Variants in NEXN observed in about 807,000 individuals in gnomAD.
NEXN encodes the protein nexilin.
In NEXN, 65 loss-of-function variants were observed where a neutral mutation model predicts 92.6. That is an observed-to-expected ratio of 0.70 (90% CI 0.57 to 0.86). NEXN has a LOEUF of 0.86. NEXN is among the 40% of genes least tolerant of loss of function. The pLI is 0.00. For synonymous variants in NEXN, 254 were observed against 242.5 expected, an observed-to-expected ratio of 1.05 and a Z score of -0.44; for missense variants, 778 against 771.1, an observed-to-expected ratio of 1.01 and a Z score of -0.11.
At chr1:77,891,738 GA>G (rs1647109540) in intron 1 of NEXN, among the ~76,000 whole-genome samples, 1 of 91,006 alleles carries the variant, frequency 1.1e-5, no homozygotes, top group Admixed American at 1.5e-4. Flanking sequence ...ACCAAGTGTG[GA>G]AAAAAAGTAA....
chr1:77,907,486 T>G (rs912170858), intron 1 of NEXN, among the ~76,000 whole-genome samples: 1 of 152,198 alleles, frequency 6.6e-6, no homozygotes, highest in African/African-American at 2.4e-5. Flanking sequence ...TGCTACAACT[T>G]TTTATCCTCA....
At chr1:77,896,124 T>C (rs1420986429) in intron 1 of NEXN, among the ~76,000 whole-genome samples, 2 of 151,770 alleles carry the variant, frequency 1.3e-5, no homozygotes, top group African/African-American at 4.8e-5. Flanking sequence ...TGAGCAGAAA[T>C]GACACCACTG....
At chr1:77,891,679 T>TGGCAGTCAAAAAGTC (rs996090177) in intron 1 of NEXN, among the ~76,000 whole-genome samples, 2 of 147,280 alleles carry the variant, frequency 1.4e-5, no homozygotes, top group Non-Finnish European at 3.0e-5. Flanking sequence ...ACTAAGGCTA[T>TGGCAGTCAAAAAGTC]GGCAGTCAAA....
At chr1:77,900,806 T>C (rs557746020) in intron 1 of NEXN, among the ~76,000 whole-genome samples, 1 of 152,322 alleles carries the variant, frequency 6.6e-6, no homozygotes, top group East Asian at 1.9e-4. Flanking sequence ...GTATTCTTGA[T>C]AACGATTCAA....
chr1:77,907,557 GT>G (rs1411389707), intron 1 of NEXN, among the ~76,000 whole-genome samples: 1 of 152,198 alleles, frequency 6.6e-6, no homozygotes, highest in Non-Finnish European at 1.5e-5. Context: ...AACCAAAAAA[GT>G]TAAGGCTAGT....
chr1:77,919,833 C>A (rs1649281050), intron 5 of NEXN, among the ~76,000 whole-genome samples: 1 of 151,894 alleles, frequency 6.6e-6, no homozygotes, highest in African/African-American at 2.4e-5. Context: ...TTCCTGACCT[C>A]AGGTGATCTA....
At chr1:77,923,931 C>A (rs1649644125) in intron 5 of NEXN, among the ~76,000 whole-genome samples, 1 of 152,108 alleles carries the variant, frequency 6.6e-6, no homozygotes. Context: ...CCGCCTCAGC[C>A]TCTCAAAGTG....
intron 1 of NEXN, among the ~76,000 whole-genome samples, chr1:77,894,424 T>C (rs1306984920): frequency 1.3e-5 from 2 of 152,166 alleles, no homozygotes; most frequent in African/African-American, 2.4e-5. Flanking sequence ...GGACATTTTA[T>C]AGTATCATTT....
rs375228962 is a variant in NEXN, at chr1:77,905,093, C to T, written c.-52-10962C>T. ...CCTTGCCAACATGGTGAAACCCTGT[C>T]TCTACTAAAAATACAAAAATTAGCT... is the stretch of plus-strand genomic sequence containing the variant. On this transcript the variant is annotated intron_variant, in intron 1 of 12. Transcript: ENST00000334785. 5.3e-5 allele frequency among the ~76,000 whole-genome samples: 8 copies of T among 151,794 alleles called. No individual in the cohort carries two copies. The East Asian group carries it at 9.8e-4, about 19-fold the overall frequency.
chr1:77,920,539 T>C (rs1489160662), intron 5 of NEXN, among the ~76,000 whole-genome samples: 1 of 150,390 alleles, frequency 6.6e-6, no homozygotes, highest in Non-Finnish European at 1.5e-5. Flanking sequence ...GAGGACTGCT[T>C]GAGCCCAGGA....
chr1:77,895,204 T>C (rs919916013), intron 1 of NEXN, among the ~76,000 whole-genome samples: 18 of 151,368 alleles, frequency 1.2e-4, no homozygotes, highest in Admixed American at 2.6e-4. Context: ...GCCACCATGA[T>C]TGGCTAATTT....
At chr1:77,901,503 C>T (rs139877668) in intron 1 of NEXN, among the ~76,000 whole-genome samples, 2 of 152,146 alleles carry the variant, frequency 1.3e-5, no homozygotes, top group Non-Finnish European at 2.9e-5. Context: ...CTTAGAACCA[C>T]ATGTTCAACC....
At chr1:77,912,084 A>C (rs1023031570) in intron 1 of NEXN, among the ~76,000 whole-genome samples, 4 of 152,136 alleles carry the variant, frequency 2.6e-5, no homozygotes, top group Non-Finnish European at 5.9e-5. Flanking sequence ...GTCTCAAAAA[A>C]AAAAAAAAAA....
At chr1:77,931,231 C>CAAAAAAAA (rs367898061) in intron 9 of NEXN, among the ~76,000 whole-genome samples, 215 of 120,440 alleles carry the variant, frequency 1.8e-3, no homozygotes, top group African/African-American at 2.2e-3. Context: ...ACTAAAAATA[C>CAAAAAAAA]AAAAAAAAAA....
chr1:77,940,493 A>G (rs1349824581), intron 11 of NEXN, among the ~76,000 whole-genome samples: 1 of 152,206 alleles, frequency 6.6e-6, no homozygotes, highest in Non-Finnish European at 1.5e-5. Context: ...AGCTCAAGAG[A>G]AATTATTTTA....
rs1204088807 is a variant in NEXN at position 77,892,416 on chromosome 1, T to G, written c.-53+3657T>G. On this transcript the variant is annotated intron_variant, in intron 1 of 12. Coordinates refer to ENST00000334785, the MANE Select transcript of NEXN (RefSeq NM_144573.4). Reference sequence around the variant, plus strand: ...CCCCACAGACAGGCAGGTCACATGCTCTGCATTTGACATAGTCTCTGAGAT... The same window carrying G: ...CCCCACAGACAGGCAGGTCACATGCGCTGCATTTGACATAGTCTCTGAGAT... Among the ~76,000 whole-genome samples, 5 of 152,326 alleles carry G rather than the reference T, an allele frequency of 3.3e-5. No individual in the cohort carries two copies. The South Asian group carries it at 8.3e-4, about 25-fold the overall frequency.
chr1:77,942,836 T>G lies in NEXN; in HGVS notation c.*7T>G, dbSNP rs765832612. ...CATTGAAAGTAAGAATTAATCACTC[T>G]TTTTATCTTTTATTCTATTAATTTT... On this transcript the variant is annotated 3_prime_UTR_variant, in exon 13 of 13. Transcript: ENST00000334785. 2.5e-6 allele frequency: 4 copies of G among 1,596,628 alleles called. No homozygotes were observed. The highest frequency in any genetic ancestry group is 3.4e-6 in the Non-Finnish European group (4 of 1,168,274).
chr1:77,937,215 G>A (rs1349746953), intron 11 of NEXN, among the ~76,000 whole-genome samples: 1 of 152,026 alleles, frequency 6.6e-6, no homozygotes, highest in Non-Finnish European at 1.5e-5. Context: ...GAGGTGGGAG[G>A]ACTGATTGAG....
chr1:77,914,802 A>G (rs1423905048), intron 1 of NEXN, among the ~76,000 whole-genome samples: 5 of 151,552 alleles, frequency 3.3e-5, no homozygotes, highest in African/African-American at 1.2e-4. Context: ...GGTTGCAGTG[A>G]GCCGAGATCA....
Sources: allele counts gnomAD v4.1 joint callset (sites outside exome capture counted in the v4.1 genomes callset), GRCh38; gene constraint gnomAD v4.1.1; transcripts MANE v1.5; gene names NCBI Gene and HGNC (gene_info 2026-07-23, HGNC 2026-07-21).